PTBP3: variants seen among roughly 807,000 people sequenced by gnomAD.
PTBP3 encodes polypyrimidine tract-binding protein 3.
A neutral mutation model predicts 58.7 loss-of-function variants in PTBP3; 20 were observed. That is an observed-to-expected ratio of 0.34 (90% CI 0.24 to 0.50). The LOEUF (loss-of-function observed/expected upper bound fraction) is 0.50, where lower values mean the gene tolerates loss of function less well. Among genes scored for constraint, PTBP3 ranks in the 20% least tolerant of loss-of-function variants. PTBP3 has a pLI of 0.98. For missense variants in PTBP3, 509 were observed against 637.2 expected, an observed-to-expected ratio of 0.80 and a Z score of 2.17; for synonymous variants, 185 against 219.8, an observed-to-expected ratio of 0.84 and a Z score of 1.40.
chr9:112,227,415 T>G lies in PTBP3; in HGVS notation c.1360A>C (p.Ile454Leu). 6.2e-7 allele frequency: 1 copy of G among 1,612,892 alleles called. No homozygotes were observed. Among genetic ancestry groups the G allele is most frequent in the Non-Finnish European group, 8.5e-7 (1 of 1,178,892 alleles). Residue 454 changes from isoleucine (I) to leucine (L), a missense_variant, in exon 12 of 14, where the codon ATT (isoleucine) becomes CTT (leucine). Ile to Leu is a conservative substitution (Grantham distance 5). This residue lies in a region of PTBP3 where 135 missense variants were observed against 229.0 expected (regional missense o/e 0.59). Coordinates refer to ENST00000374257, the MANE Select transcript of PTBP3 (RefSeq NM_001163788.4). Reference protein sequence around the residue: ...PPSATLHLSNIPPSVTVDDLK... With the variant: ...PPSATLHLSNLPPSVTVDDLK... The stretch of plus-strand genomic sequence containing the variant: ...AATAACTTATTAGGTACATACGGAA[T>G]GTTGGAAAGATGCAGAGTGGCTGAT...
At chr9:112,312,336 TAAC>T (rs139084508) in intron 1 of PTBP3, among the ~76,000 whole-genome samples, 2 of 151,700 alleles carry the variant, frequency 1.3e-5, no homozygotes, top group African/African-American at 2.4e-5. Flanking sequence ...ACAATAACAA[TAAC>T]AACAACAATT....
rs1293249254 is a variant in PTBP3 at position 112,256,786 on chromosome 9, G to A, written c.517-3998C>T. Among the ~76,000 whole-genome samples, 4 of 151,912 alleles carry A rather than the reference G, an allele frequency of 2.6e-5. No individual in the cohort carries two copies. In the East Asian group the frequency reaches 7.7e-4, roughly 29 times the overall value. On this transcript the variant is annotated intron_variant, in intron 5 of 13. Transcript: ENST00000374257. Reference sequence around the variant, plus strand: ...GATTCTCCTACCTTAGCCTCCCAAAGTACTGGGATTATAGGCCTGAGCTAC... The same window carrying A: ...GATTCTCCTACCTTAGCCTCCCAAAATACTGGGATTATAGGCCTGAGCTAC...
intron 5 of PTBP3, among the ~76,000 whole-genome samples, chr9:112,256,834 AT>A (rs945955394): frequency 9.5e-4 from 135 of 141,534 alleles, no homozygotes; most frequent in African/African-American, 3.4e-3. Flanking sequence ...GCAATATGTA[AT>A]TTTTTTTCCC....
the PTBP3 span, among the ~76,000 whole-genome samples, chr9:112,364,379 C>A: frequency 6.6e-6 from 1 of 152,032 alleles, no homozygotes; most frequent in South Asian, 2.1e-4. Context: ...TACCAGGGGG[C>A]CAGGCACCAT....
At chr9:112,330,555 AGGGG>A in intron 1 of PTBP3, 1 of 892,780 alleles carries the variant, frequency 1.1e-6, no homozygotes, top group Non-Finnish European at 1.8e-6. Flanking sequence ...GTAAGAATAA[AGGGG>A]AAAAAGCATT....
intron 2 of PTBP3, among the ~76,000 whole-genome samples, chr9:112,277,902 A>ATAACG (rs981368147): frequency 2.0e-5 from 2 of 98,022 alleles, no homozygotes; most frequent in East Asian, 7.4e-4. Flanking sequence ...ATAACATAAC[A>ATAACG]TAACATAACA....
At position 112,231,987 on chromosome 9, in the gene PTBP3, A is replaced by AAG. The variant is rs753248834; in HGVS notation, c.1020+110_1020+111dup. The stretch of plus-strand genomic sequence containing the variant: ...GAGAAGAGAGAAGAGAAGAGAAGAG[A>AAG]AGAGAAGAGAAGAGAAGAGAAGAGA... On this transcript the variant is annotated intron_variant, in intron 9 of 13. Transcript: ENST00000374257. The AAG allele has an allele frequency of 3.0e-3, 1,390 of 468,316 alleles. 8 individuals are homozygous for AAG. The highest frequency in any genetic ancestry group is 0.01 in the African/African-American group (177 of 16,868). The allele number at this position is 468,316 out of a possible 1,614,324, so 29.0% of individuals were successfully genotyped here.
rs560634987 is a variant in PTBP3, at chr9:112,277,881, C to T, written c.35-1868G>A. Among the ~76,000 whole-genome samples the T allele has an allele frequency of 4.3e-3, 586 of 136,488 alleles. 4 individuals are homozygous for T. Among genetic ancestry groups the T allele is most frequent in the African/African-American group, 0.015 (567 of 36,622 alleles). The allele number at this position is 136,488 out of a possible 152,430, so 89.5% of individuals were successfully genotyped here. On this transcript the variant is annotated intron_variant, in intron 2 of 13. Coordinates refer to ENST00000374257, the MANE Select transcript of PTBP3 (RefSeq NM_001163788.4). Reference sequence around the variant, plus strand: ...ATTTTGAGACTCTGTCTCAAAATAACGTAACATAACATAACATAACATAAC... The same window carrying T: ...ATTTTGAGACTCTGTCTCAAAATAATGTAACATAACATAACATAACATAAC...
chr9:112,349,279 G>A, the PTBP3 span, among the ~76,000 whole-genome samples: 1 of 152,136 alleles, frequency 6.6e-6, no homozygotes, highest in African/African-American at 2.4e-5. Flanking sequence ...AGAGGGTATG[G>A]AAGTTCTGTA....
At chr9:112,338,737 C>T in the PTBP3 span, among the ~76,000 whole-genome samples, 1 of 152,184 alleles carries the variant, frequency 6.6e-6, no homozygotes, top group South Asian at 2.1e-4. Flanking sequence ...TTTGAAGAGG[C>T]GGCATGTAAG....
chr9:112,371,446 T>C, the PTBP3 span, among the ~76,000 whole-genome samples: 2 of 152,184 alleles, frequency 1.3e-5, no homozygotes, highest in African/African-American at 2.4e-5. Context: ...CTGTTTCAAC[T>C]CAACTATGAA....
At chr9:112,355,819 C>G in the PTBP3 span, among the ~76,000 whole-genome samples, 57,524 of 151,728 alleles carry the variant, frequency 0.38, 12,666 homozygotes, top group Middle Eastern at 0.52. Flanking sequence ...CAGGGTTTCG[C>G]GTTGGCCAGG....
chr9:112,245,459 G>A (rs556628304), intron 7 of PTBP3, among the ~76,000 whole-genome samples: 1 of 152,144 alleles, frequency 6.6e-6, no homozygotes, highest in African/African-American at 2.4e-5. Flanking sequence ...ATATGTAAAG[G>A]GTGCTGGACA....
At chr9:112,301,939 C>G (rs7864944) in intron 1 of PTBP3, among the ~76,000 whole-genome samples, 127,791 of 152,068 alleles carry the variant, frequency 0.84, 53,998 homozygotes, top group African/African-American at 0.92. Context: ...ACTTCATTCT[C>G]AGCCAAAGGA....
At chr9:112,282,048 G>T (rs1318815679) in intron 2 of PTBP3, among the ~76,000 whole-genome samples, 1 of 152,154 alleles carries the variant, frequency 6.6e-6, no homozygotes, top group East Asian at 1.9e-4. Flanking sequence ...GCTCTCTAGT[G>T]TCTCTTAAGT....
At chr9:112,331,202 C>T (rs572674440) in intron 1 of PTBP3, among the ~76,000 whole-genome samples, 16 of 151,338 alleles carry the variant, frequency 1.1e-4, no homozygotes, top group Non-Finnish European at 1.0e-4. Context: ...TTTAACTACC[C>T]AAATAAGGAA....
intron 1 of PTBP3, among the ~76,000 whole-genome samples, chr9:112,323,857 A>G (rs1830046897): frequency 6.6e-6 from 1 of 152,338 alleles, no homozygotes; most frequent in East Asian, 1.9e-4. Context: ...GAAACATGTA[A>G]AAGTAATAAC....
intron 1 of PTBP3, among the ~76,000 whole-genome samples, chr9:112,303,697 C>T (rs367681524): frequency 5.9e-4 from 89 of 152,060 alleles, no homozygotes; most frequent in African/African-American, 2.0e-3. Flanking sequence ...AACCCCGTCT[C>T]TACTAAAATT....
chr9:112,374,230 G>A, the PTBP3 span, among the ~76,000 whole-genome samples: 1 of 152,120 alleles, frequency 6.6e-6, no homozygotes, highest in Non-Finnish European at 1.5e-5. Flanking sequence ...AAGGTAGGAG[G>A]AGCACAAAAT....
Sources: allele counts gnomAD v4.1 joint callset (sites outside exome capture counted in the v4.1 genomes callset), GRCh38; gene constraint gnomAD v4.1.1; regional missense constraint gnomAD v4.1.1; transcripts MANE v1.5; gene names NCBI Gene and HGNC (gene_info 2026-07-23, HGNC 2026-07-21).